The following FOXP2 variants were observed in gnomAD, a reference collection of about 807,000 sequenced individuals.
FOXP2 encodes the protein forkhead box P2, also known as forkhead box protein P2.
A neutral mutation model predicts 115.8 loss-of-function variants in FOXP2; 12 were observed. That is an observed-to-expected ratio of 0.10 (90% confidence interval 0.07 to 0.17). The LOEUF is 0.17. FOXP2 is among the 10% of genes least tolerant of loss of function. The pLI, the probability that FOXP2 is intolerant of heterozygous loss-of-function variation, is 1.00. For missense variants in FOXP2, 629 were observed against 843.5 expected (o/e 0.75, Z 3.15); for synonymous variants, 328 against 297.7 (o/e 1.10, Z -1.05).
intron 2 of FOXP2, among the ~76,000 whole-genome samples, chr7:114,465,449 G>A (rs1795761480): frequency 1.3e-5 from 2 of 152,168 alleles, no homozygotes; most frequent in Admixed American, 1.3e-4. Flanking sequence ...ACTTATTAGA[G>A]TGATTAGAGC....
At chr7:114,234,077 G>A (rs114748862) in intron 1 of FOXP2, among the ~76,000 whole-genome samples, 2 of 152,216 alleles carry the variant, frequency 1.3e-5, no homozygotes, top group Non-Finnish European at 2.9e-5. Flanking sequence ...TTGAGATTAC[G>A]TGTGTTTTTC....
At chr7:114,543,044 A>C (rs1799754109) in intron 3 of FOXP2, among the ~76,000 whole-genome samples, 1 of 151,970 alleles carries the variant, frequency 6.6e-6, no homozygotes. Context: ...GGCCTCCAAA[A>C]GCGCTGGGAT....
intron 2 of FOXP2, among the ~76,000 whole-genome samples, chr7:114,314,922 A>T (rs1797238491): frequency 6.6e-6 from 1 of 152,212 alleles, no homozygotes; most frequent in African/African-American, 2.4e-5. Context: ...ATGATTATAT[A>T]GATGGCTATT....
intron 1 of FOXP2, chr7:114,416,494 T>G (rs980000520): frequency 4.1e-5 from 6 of 148,062 alleles, no homozygotes; most frequent in African/African-American, 1.5e-4. Flanking sequence ...GGTTTTTGTT[T>G]ACTAGCCTCC....
intron 1 of FOXP2, among the ~76,000 whole-genome samples, chr7:114,281,776 T>A (rs1796343676): frequency 6.6e-6 from 1 of 152,218 alleles, no homozygotes; most frequent in Admixed American, 6.5e-5. Context: ...ACCCATAATG[T>A]CAGCAGGGTT....
intron 2 of FOXP2, among the ~76,000 whole-genome samples, chr7:114,306,088 G>A (rs1017841827): frequency 2.6e-5 from 4 of 152,040 alleles, no homozygotes; most frequent in East Asian, 3.9e-4. Flanking sequence ...TTTGGAGAAT[G>A]GAAATTATGT....
In FOXP2 at chr7:114,524,070, T is replaced by G. The variant is rs143130703; in HGVS notation, c.169-10547T>G. On this transcript the variant is annotated intron_variant, in intron 2 of 16. Coordinates refer to ENST00000350908, the MANE Select transcript of FOXP2 (RefSeq NM_014491.4). ...TCTATTTTATCTGGCAACTCTACTT[T>G]TAACTTCATCAGAAAATAGTACATA... Among the ~76,000 whole-genome samples, 137 of 152,308 alleles carry G rather than the reference T, an allele frequency of 9.0e-4. 1 individual carries two copies. Among genetic ancestry groups the G allele is most frequent in the Admixed American group, 2.9e-3 (44 of 15,290 alleles).
At chr7:114,538,317 C>G in intron 3 of FOXP2, 1 of 1,302,060 alleles carries the variant, frequency 7.7e-7, no homozygotes, top group South Asian at 1.2e-5. Context: ...GTTCTTGTTA[C>G]ATTTACAGCC....
At chr7:114,509,059 T>G (rs1797952642) in intron 2 of FOXP2, among the ~76,000 whole-genome samples, 1 of 152,038 alleles carries the variant, frequency 6.6e-6, no homozygotes, top group Non-Finnish European at 1.5e-5. Flanking sequence ...TGCAATGGTG[T>G]TAAGATGGAA....
chr7:114,519,722 C>T (rs897736442), intron 2 of FOXP2, among the ~76,000 whole-genome samples: 5 of 152,048 alleles, frequency 3.3e-5, no homozygotes, highest in African/African-American at 1.2e-4. Flanking sequence ...AGGGGGGCAG[C>T]AAAATCTCCC....
intron 1 of FOXP2, among the ~76,000 whole-genome samples, chr7:114,186,674 T>A (rs1584532060): frequency 6.6e-6 from 1 of 152,296 alleles, no homozygotes; most frequent in East Asian, 1.9e-4. Flanking sequence ...ATCGCTGTGG[T>A]GGCTCCGTCC....
intron 1 of FOXP2, among the ~76,000 whole-genome samples, chr7:114,277,834 G>T (rs1221151604): frequency 6.6e-6 from 1 of 151,610 alleles, no homozygotes; most frequent in Non-Finnish European, 1.5e-5. Flanking sequence ...AGTCAACATG[G>T]TGAAACCCCG....
intron 2 of FOXP2, among the ~76,000 whole-genome samples, chr7:114,379,594 C>T (rs1332022323): frequency 3.9e-5 from 6 of 152,070 alleles, no homozygotes; most frequent in South Asian, 2.1e-4. Context: ...CAGGGGTCCA[C>T]GGTGGATCTT....
chr7:114,248,546 G>T (rs1206424913), intron 1 of FOXP2, among the ~76,000 whole-genome samples: 1 of 152,116 alleles, frequency 6.6e-6, no homozygotes, highest in African/African-American at 2.4e-5. Flanking sequence ...ATTTAGTTTA[G>T]AATGTGTGAA....
chr7:114,418,508 A>G (rs553548771), intron 1 of FOXP2, among the ~76,000 whole-genome samples: 46 of 152,056 alleles, frequency 3.0e-4, no homozygotes, highest in African/African-American at 1.1e-3. Context: ...TTAGTATTAC[A>G]AAGTTCTTTT....
intron 1 of FOXP2, among the ~76,000 whole-genome samples, chr7:114,208,837 A>G (rs1229126479): frequency 6.6e-6 from 1 of 152,096 alleles, no homozygotes; most frequent in Non-Finnish European, 1.5e-5. Context: ...GCCTCCTGCC[A>G]TGATTGTGAG....
At chr7:114,141,122 T>A (rs1792195364) in intron 1 of FOXP2, among the ~76,000 whole-genome samples, 1 of 151,952 alleles carries the variant, frequency 6.6e-6, no homozygotes, top group Non-Finnish European at 1.5e-5. Flanking sequence ...CTGAATAAAA[T>A]GAGAAAGAAA....
At chr7:114,640,444 C>T (rs758356789) in intron 6 of FOXP2, among the ~76,000 whole-genome samples, 4 of 152,176 alleles carry the variant, frequency 2.6e-5, no homozygotes, top group East Asian at 1.9e-4. Flanking sequence ...ACTACCTGTA[C>T]GAAATTGTGA....
chr7:114,520,330 ATAAC>A (rs1299240339), intron 2 of FOXP2, among the ~76,000 whole-genome samples: 1 of 152,124 alleles, frequency 6.6e-6, no homozygotes, highest in East Asian at 1.9e-4. Flanking sequence ...CATATTTTGA[ATAAC>A]TAGTTTTAAA....
Sources: gnomAD v4.1 joint callset for allele counts (sites outside exome capture counted in the v4.1 genomes callset) on GRCh38, gnomAD v4.1.1 for gene constraint, MANE v1.5 for transcripts, NCBI Gene and HGNC (gene_info 2026-07-23, HGNC 2026-07-21) for gene names.